Variants in CACNA1C observed in about 807,000 individuals in gnomAD.
CACNA1C encodes the protein voltage-dependent L-type calcium channel subunit alpha-1C.
CACNA1C carries 30 observed loss-of-function variants against 229.0 expected under a neutral mutation model. The ratio of observed to expected loss-of-function variants is 0.13; its 90% CI spans 0.10 to 0.18. CACNA1C has a LOEUF of 0.18. CACNA1C is among the 10% of genes least tolerant of loss of function. CACNA1C has a pLI of 1.00. For missense variants in CACNA1C, 1,658 were observed against 2,845.0 expected (o/e 0.58, Z 9.49); for synonymous variants, 1,114 against 1,132.5 (o/e 0.98, Z 0.33).
chr12:2,340,726 G>C (rs1461919833), intron 3 of CACNA1C, among the ~76,000 whole-genome samples: 2 of 152,206 alleles, frequency 1.3e-5, no homozygotes, highest in African/African-American at 4.8e-5. Flanking sequence ...GGGAGGCCGA[G>C]GCTGGCAGAT....
intron 3 of CACNA1C, among the ~76,000 whole-genome samples, chr12:2,121,016 A>G (rs2086454838): frequency 6.6e-6 from 1 of 152,188 alleles, no homozygotes; most frequent in Non-Finnish European, 1.5e-5. Flanking sequence ...GTCCATGGAA[A>G]AAGTGGAGAG....
At chr12:2,138,107 G>A (rs933342605) in intron 3 of CACNA1C, among the ~76,000 whole-genome samples, 1 of 151,538 alleles carries the variant, frequency 6.6e-6, no homozygotes, top group Non-Finnish European at 1.5e-5. Context: ...GAAAACCCCA[G>A]GGCTTTTATT....
chr12:2,100,414 C>G (rs1290334899), intron 1 of CACNA1C, among the ~76,000 whole-genome samples: 1 of 147,182 alleles, frequency 6.8e-6, no homozygotes, highest in Non-Finnish European at 1.5e-5. Context: ...ATGCAGTGAG[C>G]CAAGATTGCA....
chr12:2,317,093 T>C (rs193095956), intron 3 of CACNA1C, among the ~76,000 whole-genome samples: 15 of 152,272 alleles, frequency 9.9e-5, no homozygotes, highest in Admixed American at 6.5e-5. Flanking sequence ...TTTAGAAAAA[T>C]GGTGTGGTGT....
chr12:2,222,391 C>T (rs189194765), intron 3 of CACNA1C: 2 of 152,314 alleles, frequency 1.3e-5, no homozygotes, highest in African/African-American at 4.8e-5. Context: ...GAACACGACG[C>T]TTAACCTCTA....
At chr12:2,459,370 C>T (rs2099482361) in intron 5 of CACNA1C, among the ~76,000 whole-genome samples, 1 of 152,064 alleles carries the variant, frequency 6.6e-6, no homozygotes. Context: ...CTATAAGCCC[C>T]TTGAAACCCA....
intron 3 of CACNA1C, among the ~76,000 whole-genome samples, chr12:2,317,528 G>A (rs1217233918): frequency 6.6e-6 from 1 of 152,144 alleles, no homozygotes; most frequent in East Asian, 1.9e-4. Context: ...AAGGAGTACA[G>A]AGTTTCAGTT....
At chr12:2,014,474 C>G (rs1016681206) in intron 1 of CACNA1C, among the ~76,000 whole-genome samples, 1 of 152,092 alleles carries the variant, frequency 6.6e-6, no homozygotes, top group Non-Finnish European at 1.5e-5. Context: ...AGACAGGCAC[C>G]GGGCTAGGAG....
intron 3 of CACNA1C, among the ~76,000 whole-genome samples, chr12:2,398,798 G>T (rs1377878963): frequency 6.6e-6 from 1 of 152,172 alleles, no homozygotes; most frequent in Admixed American, 6.5e-5. Context: ...CTAGAAACTT[G>T]CAGAGGAACA....
intron 5 of CACNA1C, among the ~76,000 whole-genome samples, chr12:2,463,679 T>C (rs2099531007): frequency 6.6e-6 from 1 of 151,846 alleles, no homozygotes; most frequent in South Asian, 2.1e-4. Flanking sequence ...GGAAGGAGAG[T>C]GGCCGTGGCC....
intron 1 of CACNA1C, among the ~76,000 whole-genome samples, chr12:2,089,952 C>G (rs1350256159): frequency 6.6e-6 from 1 of 152,134 alleles, no homozygotes. Flanking sequence ...TGGCGTGAAC[C>G]CGGGAGGCGG....
Position 2,694,729 on chromosome 12 carries a change from C to A in CACNA1C, c.*3530C>A, listed in dbSNP as rs1361438083. On this transcript the variant is annotated 3_prime_UTR_variant, in exon 47 of 47. Coordinates refer to ENST00000399655, the MANE Select transcript of CACNA1C (RefSeq NM_000719.7). ...GCAGCTGAAGACAGTGGGGCAACCT[C>A]AGGAGAAGCAGACCTTTCCATGCCC... is the stretch of plus-strand genomic sequence containing the variant. The A allele has an allele frequency of 6.6e-6, 1 of 152,258 alleles. No individual in the cohort carries two copies. The highest frequency in any genetic ancestry group is 6.5e-5 in the Admixed American group (1 of 15,290). The allele number at this position is 152,258 out of a possible 1,614,324, so 9.4% of individuals were successfully genotyped here. A position where few individuals can be genotyped will look rare whatever the true frequency, so the allele number is the denominator to read the frequency against.
At chr12:2,457,068 G>A (rs545497192) in intron 4 of CACNA1C, among the ~76,000 whole-genome samples, 13 of 152,288 alleles carry the variant, frequency 8.5e-5, no homozygotes, top group Admixed American at 3.3e-4. Flanking sequence ...TGCGCAGCAC[G>A]CACCTCCTGA....
chr12:1,997,868 A>G, intron 1 of CACNA1C: 1 of 1,280,230 alleles, frequency 7.8e-7, no homozygotes, highest in East Asian at 2.4e-5. Context: ...CTTGAAGAAG[A>G]GTGACACAAC....
chr12:2,438,198 C>CGATGGT (rs2099164843), intron 3 of CACNA1C, among the ~76,000 whole-genome samples: 2 of 99,266 alleles, frequency 2.0e-5, no homozygotes, highest in Admixed American at 1.1e-4. Context: ...ATAATGACGG[C>CGATGGT]GATGGTGATG....
At chr12:2,095,132 C>T (rs2073283878) in intron 1 of CACNA1C, among the ~76,000 whole-genome samples, 1 of 152,228 alleles carries the variant, frequency 6.6e-6, no homozygotes, top group African/African-American at 2.4e-5. Context: ...CACCAGATCA[C>T]ACTATCTCTT....
chr12:2,392,007 C>T (rs114375638), intron 3 of CACNA1C, among the ~76,000 whole-genome samples: 4 of 152,168 alleles, frequency 2.6e-5, no homozygotes, highest in Admixed American at 1.3e-4. Flanking sequence ...TTAAACTCTG[C>T]GTTTCACCAT....
At position 1,992,891 on chromosome 12, in the gene CACNA1C, T is replaced by G. The variant is rs142245668; in HGVS notation, c.139+21690T>G. 9.3e-4 allele frequency: 464 copies of G among 497,902 alleles called. 3 individuals carry two copies. Among genetic ancestry groups the G allele is most frequent in the Non-Finnish European group, 2.1e-4 (60 of 282,450 alleles). The allele number at this position is 497,902 out of a possible 1,614,324, so 30.8% of individuals were successfully genotyped here. A position where few individuals can be genotyped will look rare whatever the true frequency, so the allele number is the denominator to read the frequency against. ...AGTGATACATAAAGAAAAAGTGCCA[T>G]AGCAGACTCGTTAATTCTTCGTTCA... On this transcript the variant is annotated intron_variant, in intron 1 of 46. Transcript: ENST00000682462.
intron 3 of CACNA1C, among the ~76,000 whole-genome samples, chr12:2,338,354 G>T (rs2096762823): frequency 1.3e-5 from 2 of 152,304 alleles, no homozygotes; most frequent in South Asian, 4.1e-4. Flanking sequence ...ACCCCAGGGT[G>T]GGCGCCTTGT....
Sources: allele counts gnomAD v4.1 joint callset (sites outside exome capture counted in the v4.1 genomes callset), GRCh38; gene constraint gnomAD v4.1.1; transcripts MANE v1.5; gene names NCBI Gene and HGNC (gene_info 2026-07-23, HGNC 2026-07-21).